The following CLYBL variants were observed in gnomAD, a reference collection of about 807,000 sequenced individuals.
The protein encoded by CLYBL is citramalyl-CoA lyase.
Under a neutral mutation model 38.9 loss-of-function variants are expected in CLYBL, and 31 were observed. The ratio of observed to expected loss-of-function variants is 0.80; its 90% CI spans 0.60 to 1.08. The LOEUF is 1.08. CLYBL is among the 50% of genes least tolerant of loss of function. The probability of loss-of-function intolerance (pLI) is 0.00; values close to 1 mark genes in which losing one functional copy is unlikely to be tolerated. For missense variants in CLYBL, 434 were observed against 411.6 expected (o/e 1.05, Z -0.47); for synonymous variants, 171 against 158.6 (o/e 1.08, Z -0.59).
At chr13:99,772,696 C>G (rs1412456078) in intron 1 of CLYBL, 128 bp from the exon 2 acceptor site, 1 of 826,818 alleles carries the variant, frequency 1.2e-6, no homozygotes, top group African/African-American at 1.8e-5. Context: ...GACCCTGTCT[C>G]AAAAAAATAA....
chr13:99,644,317 G>A (rs1226854499), intron 1 of CLYBL, among the ~76,000 whole-genome samples: 1 of 152,018 alleles, frequency 6.6e-6, no homozygotes, highest in African/African-American at 2.4e-5. Context: ...ACTTCTTCCT[G>A]TGGGTTGCAG....
At chr13:99,776,878 C>T (rs956766637) in intron 2 of CLYBL, among the ~76,000 whole-genome samples, 3 of 151,276 alleles carry the variant, frequency 2.0e-5, no homozygotes, top group Non-Finnish European at 2.9e-5. Context: ...AGTTCATGCA[C>T]GTTTTTTTTT....
chr13:99,779,665 C>T (rs2049598416), intron 2 of CLYBL, among the ~76,000 whole-genome samples: 1 of 152,194 alleles, frequency 6.6e-6, no homozygotes, highest in African/African-American at 2.4e-5. Context: ...TGTTACTCTC[C>T]AAGGTTGCAC....
chr13:99,886,331 C>A (rs2052348832), intron 7 of CLYBL, among the ~76,000 whole-genome samples: 1 of 152,192 alleles, frequency 6.6e-6, no homozygotes, highest in Non-Finnish European at 1.5e-5. Context: ...TGACAATTTC[C>A]CATAGATGTG....
At chr13:99,658,190 C>T (rs2047356553) in intron 1 of CLYBL, among the ~76,000 whole-genome samples, 1 of 152,266 alleles carries the variant, frequency 6.6e-6, no homozygotes, top group South Asian at 2.1e-4. Flanking sequence ...TAAGGGGCCG[C>T]CGGCAGGGGA....
intron 1 of CLYBL, among the ~76,000 whole-genome samples, chr13:99,622,032 C>G (rs1285220313): frequency 2.0e-5 from 3 of 152,110 alleles, no homozygotes; most frequent in Non-Finnish European, 4.4e-5. Flanking sequence ...TAGAGGCTGC[C>G]CACATTCTTT....
At chr13:99,621,005 G>A (rs930820637) in intron 1 of CLYBL, among the ~76,000 whole-genome samples, 3 of 152,114 alleles carry the variant, frequency 2.0e-5, no homozygotes, top group African/African-American at 7.2e-5. Context: ...GTCCCAAGCT[G>A]TGCGTTTGAA....
At chr13:99,867,307 A>G (rs2051772271) in intron 6 of CLYBL, among the ~76,000 whole-genome samples, 1 of 152,252 alleles carries the variant, frequency 6.6e-6, no homozygotes, top group Non-Finnish European at 1.5e-5. Context: ...TTTTTGAAAT[A>G]TATCTAGGTA....
chr13:99,643,473 C>T lies in CLYBL; in HGVS notation c.62+36716C>T, dbSNP rs72651498. Among the ~76,000 whole-genome samples, 681 of 152,264 alleles carry T rather than the reference C, an allele frequency of 4.5e-3. 4 individuals are homozygous for T. Among genetic ancestry groups the T allele is most frequent in the Non-Finnish European group, 8.2e-3 (559 of 68,024 alleles). On this transcript the variant is annotated intron_variant, in intron 1 of 8. Coordinates refer to ENST00000339105, the MANE Select transcript of CLYBL (RefSeq NM_206808.5). ...AGCTAAAACAGGTAGAAGCCTGAAACCAAGGGGCATATGCATTTCTGAAAC... is the reference window on the plus strand; with the variant it reads ...AGCTAAAACAGGTAGAAGCCTGAAATCAAGGGGCATATGCATTTCTGAAAC...
chr13:99,643,258 C>T (rs2047123467), intron 1 of CLYBL: 1 of 152,566 alleles, frequency 6.6e-6, no homozygotes, highest in Non-Finnish European at 1.5e-5. Flanking sequence ...TGCTCCGGTG[C>T]CAAAGGCCAA....
intron 2 of CLYBL, among the ~76,000 whole-genome samples, chr13:99,797,731 T>C: frequency 6.6e-6 from 1 of 152,308 alleles, no homozygotes; most frequent in South Asian, 2.1e-4. Flanking sequence ...CCTGTGCAAC[T>C]TGCAAACACC....
At chr13:99,886,718 A>G (rs2052359117) in intron 7 of CLYBL, among the ~76,000 whole-genome samples, 1 of 152,214 alleles carries the variant, frequency 6.6e-6, no homozygotes, top group Non-Finnish European at 1.5e-5. Context: ...GCAGTCTCGC[A>G]AAGATGGCCC....
Position 99,666,118 on chromosome 13 carries a change from G to T in CLYBL, c.62+59361G>T, listed in dbSNP as rs559870185. Among the ~76,000 whole-genome samples the T allele has an allele frequency of 1.2e-4, 19 of 152,274 alleles. 1 individual carries two copies. The South Asian group carries it at 3.5e-3, about 28-fold the overall frequency. On this transcript the variant is annotated intron_variant, in intron 1 of 8. Coordinates refer to ENST00000339105, the MANE Select transcript of CLYBL (RefSeq NM_206808.5). ...TTGCTAGAAGGAACCTGGGGAAGAA[G>T]GGCTGGTGGTCCTTGGGCTTTGGAA... is the stretch of plus-strand genomic sequence containing the variant.
intron 1 of CLYBL, among the ~76,000 whole-genome samples, chr13:99,622,451 T>C (rs577880945): frequency 1.3e-5 from 2 of 152,328 alleles, no homozygotes; most frequent in East Asian, 3.9e-4. Context: ...TCTAGACCTG[T>C]TGGTTCCAAA....
At chr13:99,896,857 C>G (rs545516420), downstream of CLYBL, 1 of 152,168 alleles carries the variant, frequency 6.6e-6, no homozygotes, top group Non-Finnish European at 1.5e-5. Context: ...AAGATGTCGC[C>G]GAACTTTTTG....
At chr13:99,824,287 T>C (rs1218418319) in intron 2 of CLYBL, among the ~76,000 whole-genome samples, 2 of 101,992 alleles carry the variant, frequency 2.0e-5, no homozygotes, top group East Asian at 6.6e-4. Context: ...GCTAATCCTT[T>C]TGTGAATTGG....
intron 2 of CLYBL, among the ~76,000 whole-genome samples, chr13:99,795,998 G>A (rs1347631957): frequency 6.6e-6 from 1 of 152,138 alleles, no homozygotes; most frequent in African/African-American, 2.4e-5. Context: ...TGGATGGATA[G>A]GTACACAGGG....
At chr13:99,759,604 A>G (rs895461787) in intron 1 of CLYBL, among the ~76,000 whole-genome samples, 4 of 152,058 alleles carry the variant, frequency 2.6e-5, no homozygotes, top group Admixed American at 6.6e-5. Context: ...CTCATGCTCT[A>G]GGTAAGGATA....
At chr13:99,774,944 A>G (rs2049480520) in intron 2 of CLYBL, among the ~76,000 whole-genome samples, 1 of 152,216 alleles carries the variant, frequency 6.6e-6, no homozygotes. Flanking sequence ...ACCCAGGGCA[A>G]TTCACTTTAC....
Sources: allele counts gnomAD v4.1 joint callset (sites outside exome capture counted in the v4.1 genomes callset), GRCh38; gene constraint gnomAD v4.1.1; transcripts MANE v1.5; gene names NCBI Gene and HGNC (gene_info 2026-07-23, HGNC 2026-07-21).